CAST: variants seen among roughly 807,000 people sequenced by gnomAD.
The protein encoded by CAST is calpastatin.
CAST carries 76 observed loss-of-function variants against 119.6 expected under a neutral mutation model. That is an observed-to-expected ratio of 0.64 (90% CI 0.53 to 0.77). The LOEUF (loss-of-function observed/expected upper bound fraction) is 0.77. CAST is among the 30% of genes least tolerant of loss of function. The probability of loss-of-function intolerance (pLI) is 0.00; values close to 1 mark genes in which losing one functional copy is unlikely to be tolerated. For synonymous variants in CAST, 319 were observed against 331.6 expected, an observed-to-expected ratio of 0.96 and a Z score of 0.41; for missense variants, 953 against 946.5, an observed-to-expected ratio of 1.01 and a Z score of -0.09.
the CAST span, among the ~76,000 whole-genome samples, chr5:96,227,617 G>T: frequency 2.0e-5 from 3 of 152,170 alleles, no homozygotes; most frequent in Non-Finnish European, 2.9e-5. Context: ...GGGGGAAAAA[G>T]TGCCATCATG....
chr5:96,086,925 G>C, the CAST span, among the ~76,000 whole-genome samples: 1 of 152,164 alleles, frequency 6.6e-6, no homozygotes, highest in African/African-American at 2.4e-5. Flanking sequence ...AGGCATATTT[G>C]GTTGAGGTCT....
At chr5:96,150,640 G>A in the CAST span, among the ~76,000 whole-genome samples, 416 of 152,306 alleles carry the variant, frequency 2.7e-3, 1 homozygote, top group Non-Finnish European at 3.7e-3. Flanking sequence ...CTGACTCTGA[G>A]GAAGGAGCAG....
chr5:96,356,826 C>T, the CAST span, among the ~76,000 whole-genome samples: 1 of 151,958 alleles, frequency 6.6e-6, no homozygotes, highest in Non-Finnish European at 1.5e-5. Flanking sequence ...CTCTTTTTTG[C>T]TTCTATATGA....
chr5:96,133,789 G>A, the CAST span, among the ~76,000 whole-genome samples: 4 of 152,286 alleles, frequency 2.6e-5, no homozygotes, highest in East Asian at 3.9e-4. Flanking sequence ...AAATAGAAAA[G>A]GGGGGCTGCA....
chr5:96,473,056 T>G, the CAST span, among the ~76,000 whole-genome samples: 1 of 152,186 alleles, frequency 6.6e-6, no homozygotes, highest in Non-Finnish European at 1.5e-5. Context: ...CCCTCTCCTT[T>G]CTCTTGTACA....
At chr5:96,571,900 T>C (rs767903807) in intron 1 of CAST, among the ~76,000 whole-genome samples, 1 of 152,218 alleles carries the variant, frequency 6.6e-6, no homozygotes, top group Non-Finnish European at 1.5e-5. Flanking sequence ...TTCTAACATA[T>C]ACAAAGTGCT....
chr5:96,227,733 C>T, the CAST span, among the ~76,000 whole-genome samples: 1 of 152,148 alleles, frequency 6.6e-6, no homozygotes. Flanking sequence ...TAGCCTGGAG[C>T]TCTATCTTAG....
At chr5:96,396,364 C>T in the CAST span, among the ~76,000 whole-genome samples, 2 of 152,034 alleles carry the variant, frequency 1.3e-5, no homozygotes, top group Non-Finnish European at 2.9e-5. Flanking sequence ...AGCTCGAGAC[C>T]AGCCTGACCA....
At chr5:96,445,214 G>T in the CAST span, among the ~76,000 whole-genome samples, 116 of 152,270 alleles carry the variant, frequency 7.6e-4, no homozygotes, top group African/African-American at 1.8e-3. Context: ...TCTCTTTGCT[G>T]GGTGACAAAG....
the CAST span, among the ~76,000 whole-genome samples, chr5:96,255,900 C>A: frequency 6.6e-6 from 1 of 152,094 alleles, no homozygotes; most frequent in East Asian, 1.9e-4. Flanking sequence ...GTGTTCTGTG[C>A]TATGCTTTTA....
the CAST span, among the ~76,000 whole-genome samples, chr5:95,985,524 TGA>T: frequency 2.0e-5 from 3 of 152,064 alleles, no homozygotes; most frequent in Non-Finnish European, 2.9e-5. Flanking sequence ...TGGAAAGAAG[TGA>T]GGAGTTGAGC....
chr5:96,127,554 T>C, the CAST span, among the ~76,000 whole-genome samples: 20 of 152,120 alleles, frequency 1.3e-4, no homozygotes, highest in Non-Finnish European at 2.6e-4. Flanking sequence ...CTGTCCTTGA[T>C]TGAGAAGTCC....
the CAST span, among the ~76,000 whole-genome samples, chr5:96,082,685 G>A: frequency 6.6e-6 from 1 of 152,078 alleles, no homozygotes; most frequent in Non-Finnish European, 1.5e-5. Flanking sequence ...AGTACAGTAT[G>A]ATCATGATCC....
chr5:96,402,531 C>T, the CAST span, among the ~76,000 whole-genome samples: 1 of 152,144 alleles, frequency 6.6e-6, no homozygotes, highest in Non-Finnish European at 1.5e-5. Context: ...TGGTCCCTCC[C>T]CGCCTCACAC....
At chr5:95,991,296 T>G in the CAST span, among the ~76,000 whole-genome samples, 59 of 152,186 alleles carry the variant, frequency 3.9e-4, 2 homozygotes, top group Admixed American at 3.7e-3. Context: ...ACAGGCTGTG[T>G]GTCTACCAGC....
chr5:96,743,671 C>G, intron 16 of CAST: 1 of 1,613,298 alleles, frequency 6.2e-7, no homozygotes, highest in Non-Finnish European at 8.5e-7. Context: ...GCTCACCGGC[C>G]ACAGTGTGGC....
the CAST span, among the ~76,000 whole-genome samples, chr5:96,257,135 T>G: frequency 6.6e-6 from 1 of 152,174 alleles, no homozygotes; most frequent in Non-Finnish European, 1.5e-5. Flanking sequence ...TCTGGGCTGT[T>G]TCTCCCTGTG....
the CAST span, among the ~76,000 whole-genome samples, chr5:96,083,644 C>T: frequency 1.3e-5 from 2 of 152,334 alleles, no homozygotes; most frequent in East Asian, 3.9e-4. Flanking sequence ...ATGGAAACTA[C>T]TGTAGAATTG....
the CAST span, among the ~76,000 whole-genome samples, chr5:96,301,008 T>A: frequency 5.4e-3 from 824 of 152,256 alleles, 9 homozygotes; most frequent in African/African-American, 0.019. Context: ...TGTTCTCACA[T>A]TGCTATAAAG....
Sources: gnomAD v4.1 joint callset for allele counts (sites outside exome capture counted in the v4.1 genomes callset) on GRCh38, gnomAD v4.1.1 for gene constraint, MANE v1.5 for transcripts, NCBI Gene and HGNC (gene_info 2026-07-23, HGNC 2026-07-21) for gene names.